The following TPD52 variants were observed in gnomAD, a reference collection of about 807,000 sequenced individuals.
TPD52 encodes tumor protein D52.
A neutral mutation model predicts 31.3 loss-of-function variants in TPD52; 17 were observed. The ratio of observed to expected loss-of-function variants is 0.54; its 90% confidence interval spans 0.37 to 0.82. TPD52 has a LOEUF of 0.82. Among genes scored for constraint, TPD52 ranks in the 40% least tolerant of loss-of-function variants. The pLI, the probability that TPD52 is intolerant of heterozygous loss-of-function variation, is 0.00. For missense variants in TPD52, 212 were observed against 240.1 expected, an observed-to-expected ratio of 0.88 and a Z score of 0.77; for synonymous variants, 83 against 89.6, an observed-to-expected ratio of 0.93 and a Z score of 0.42.
rs1448712078 is a variant in TPD52 at position 80,036,054 on chromosome 8, A to T, written c.*2062T>A. On this transcript the variant is annotated 3_prime_UTR_variant, in exon 8 of 8. Transcript: ENST00000518937. ...AGTAGATTACTTTGTTTCTTAGATT[A>T]AGTATAGGTAGATGTCTAGAAAAGT... The T allele has an allele frequency of 1.3e-5, 2 of 152,130 alleles. No homozygotes were observed. The highest frequency in any genetic ancestry group is 2.9e-5 in the Non-Finnish European group (2 of 68,028). The allele number at this position is 152,130 out of a possible 1,614,324, so 9.4% of individuals were successfully genotyped here. A position where few individuals can be genotyped will look rare whatever the true frequency, so the allele number is the denominator to read the frequency against.
chr8:80,164,058 G>A (rs1426144), intron 1 of TPD52, among the ~76,000 whole-genome samples: 43,514 of 140,158 alleles, frequency 0.31, 8,335 homozygotes, highest in African/African-American at 0.53. Flanking sequence ...GAGAGAGACA[G>A]ACAGACAGAA....
intron 1 of TPD52, among the ~76,000 whole-genome samples, chr8:80,077,677 G>A (rs1368762935): frequency 6.6e-6 from 1 of 152,186 alleles, no homozygotes; most frequent in Non-Finnish European, 1.5e-5. Context: ...CATCACATAT[G>A]TCTCTCAGCC....
At chr8:80,043,705 G>A (rs75176313) in intron 6 of TPD52, among the ~76,000 whole-genome samples, 3,072 of 152,318 alleles carry the variant, frequency 0.02, 71 homozygotes, top group East Asian at 0.051. Flanking sequence ...ACTCTCTAGA[G>A]AGGTTAGGTG....
chr8:80,170,373 G>A (rs893386375), intron 1 of TPD52, among the ~76,000 whole-genome samples: 2 of 152,018 alleles, frequency 1.3e-5, no homozygotes, highest in Non-Finnish European at 2.9e-5. Context: ...CTGAGATCCC[G>A]CCACTGCACT....
At chr8:80,126,475 T>C (rs2131056856) in intron 1 of TPD52, among the ~76,000 whole-genome samples, 1 of 142,804 alleles carries the variant, frequency 7.0e-6, no homozygotes, top group South Asian at 2.1e-4. Context: ...GATAAAAGTT[T>C]ATAATTTTTT....
intron 7 of TPD52, among the ~76,000 whole-genome samples, chr8:80,039,572 G>A (rs1158816244): frequency 1.3e-5 from 2 of 152,106 alleles, no homozygotes; most frequent in Non-Finnish European, 2.9e-5. Flanking sequence ...CCCCTTTGAT[G>A]TGCAGGGCAG....
intron 1 of TPD52, among the ~76,000 whole-genome samples, chr8:80,135,007 C>T (rs1487820928): frequency 6.6e-6 from 1 of 152,136 alleles, no homozygotes; most frequent in Non-Finnish European, 1.5e-5. Context: ...AACTGGGATC[C>T]CAAGAGAGTT....
At chr8:80,103,105 A>C (rs1465505) in intron 1 of TPD52, among the ~76,000 whole-genome samples, 1 of 151,760 alleles carries the variant, frequency 6.6e-6, no homozygotes, top group Non-Finnish European at 1.5e-5. Flanking sequence ...TAAATATCAG[A>C]AAAGTGTTTC....
intron 1 of TPD52, among the ~76,000 whole-genome samples, chr8:80,147,850 A>G (rs1324036600): frequency 2.6e-5 from 4 of 151,748 alleles, no homozygotes; most frequent in African/African-American, 9.7e-5. Flanking sequence ...ACACACACAC[A>G]CACACCCCCC....
At chr8:80,103,658 C>T (rs894487844) in intron 1 of TPD52, among the ~76,000 whole-genome samples, 2 of 152,194 alleles carry the variant, frequency 1.3e-5, no homozygotes, top group African/African-American at 4.8e-5. Flanking sequence ...GAGGTCATCA[C>T]CAGTAAGTAG....
At chr8:80,145,458 A>G (rs1268769926) in intron 1 of TPD52, among the ~76,000 whole-genome samples, 5 of 152,198 alleles carry the variant, frequency 3.3e-5, no homozygotes, top group Non-Finnish European at 7.3e-5. Context: ...GAGCAGCCGA[A>G]ATGCAAGAAC....
intron 1 of TPD52, among the ~76,000 whole-genome samples, chr8:80,106,531 T>C (rs1016265388): frequency 2.0e-5 from 3 of 151,804 alleles, no homozygotes; most frequent in African/African-American, 4.8e-5. Flanking sequence ...TAATTTTTTG[T>C]AGTTTTAGTA....
At chr8:80,076,676 T>TTTG (rs1563604040) in intron 1 of TPD52, among the ~76,000 whole-genome samples, 15 of 150,998 alleles carry the variant, frequency 9.9e-5, no homozygotes, top group Admixed American at 5.9e-4. Flanking sequence ...TAAAAGGGTT[T>TTTG]TTTGTTTGTT....
chr8:80,080,941 C>A (rs1185976540), intron 1 of TPD52: 1 of 185,402 alleles, frequency 5.4e-6, no homozygotes, highest in Non-Finnish European at 1.0e-5. Flanking sequence ...GGAGGGATTA[C>A]CAGTCAGTAA....
At chr8:80,153,288 A>G (rs1285813411) in intron 1 of TPD52, among the ~76,000 whole-genome samples, 1 of 152,212 alleles carries the variant, frequency 6.6e-6, no homozygotes, top group Non-Finnish European at 1.5e-5. Flanking sequence ...AGGTGCTTCC[A>G]AGACACGGGG....
intron 1 of TPD52, among the ~76,000 whole-genome samples, chr8:80,115,220 C>A (rs897270896): frequency 6.6e-6 from 1 of 152,188 alleles, no homozygotes; most frequent in Non-Finnish European, 1.5e-5. Context: ...CAAAGAGCAG[C>A]CAATCTGCAG....
At chr8:80,100,769 C>G (rs1004276328) in intron 1 of TPD52, among the ~76,000 whole-genome samples, 1 of 152,342 alleles carries the variant, frequency 6.6e-6, no homozygotes, top group South Asian at 2.1e-4. Flanking sequence ...AATGTCCCAG[C>G]TGGAAGACAG....
chr8:80,061,614 G>A (rs1272153529), intron 2 of TPD52, among the ~76,000 whole-genome samples: 2 of 152,076 alleles, frequency 1.3e-5, no homozygotes, highest in East Asian at 3.9e-4. Context: ...GAGCTGGGAG[G>A]TCAAGGCTGC....
chr8:80,090,619 T>C (rs1816183393), intron 1 of TPD52, among the ~76,000 whole-genome samples: 1 of 151,988 alleles, frequency 6.6e-6, no homozygotes, highest in South Asian at 2.1e-4. Context: ...ACTTAGGAAA[T>C]ATTCCCTATG....
Sources: allele counts gnomAD v4.1 joint callset (sites outside exome capture counted in the v4.1 genomes callset), GRCh38; gene constraint gnomAD v4.1.1; transcripts MANE v1.5; gene names NCBI Gene and HGNC (gene_info 2026-07-23, HGNC 2026-07-21).